RBL2: variants seen among roughly 807,000 people sequenced by gnomAD.
The protein encoded by RBL2 is RB transcriptional corepressor like 2, also known as retinoblastoma-like protein 2.
A neutral mutation model predicts 126.0 loss-of-function variants in RBL2; 56 were observed. The observed-to-expected ratio is 0.44, with a 90% confidence interval of 0.36 to 0.56. The LOEUF is 0.56. Ranked by LOEUF, RBL2 falls within the 20% of genes least tolerant of loss-of-function variation. The pLI, the probability that RBL2 is intolerant of heterozygous loss-of-function variation, is 0.00. For synonymous variants in RBL2, 454 were observed against 478.5 expected (o/e 0.95, Z 0.67); for missense variants, 1,229 against 1,398.2 (o/e 0.88, Z 1.93).
intron 2 of RBL2, among the ~76,000 whole-genome samples, chr16:53,442,374 G>A (rs915854856): frequency 3.9e-5 from 6 of 152,092 alleles, no homozygotes; most frequent in Non-Finnish European, 8.8e-5. Context: ...GTGAACCAAC[G>A]TGAATGTTGG....
chr16:53,444,827 G>A (rs1567727346), intron 3 of RBL2, among the ~76,000 whole-genome samples: 1 of 152,162 alleles, frequency 6.6e-6, no homozygotes, highest in Non-Finnish European at 1.5e-5. Flanking sequence ...CAGCCTAGGT[G>A]ACAGAGTGAG....
intron 3 of RBL2, among the ~76,000 whole-genome samples, chr16:53,444,141 C>T (rs1324774907): frequency 8.7e-5 from 13 of 150,272 alleles, no homozygotes; most frequent in South Asian, 2.1e-4. Flanking sequence ...CCCAGCTACT[C>T]GGGAGGCTGA....
intron 20 of RBL2, 153 bp from the exon 21 acceptor site, chr16:53,481,518 G>A: frequency 1.5e-6 from 1 of 678,408 alleles, no homozygotes; most frequent in Non-Finnish European, 2.3e-6. Flanking sequence ...TTTGCTATTA[G>A]AATATTTTTC....
At chr16:53,474,881 CT>C (rs199607130) in intron 17 of RBL2, among the ~76,000 whole-genome samples, 1 of 150,990 alleles carries the variant, frequency 6.6e-6, no homozygotes, top group Non-Finnish European at 1.5e-5. Context: ...TTTCCTTTGC[CT>C]TTTTTTTTAA....
At chr16:53,481,134 G>T in intron 20 of RBL2, 1 of 183,652 alleles carries the variant, frequency 5.4e-6, no homozygotes, top group Non-Finnish European at 1.1e-5. Context: ...ACTCCAGCTT[G>T]GGTGACAGAA....
chr16:53,451,154 A>C (rs2058111145), intron 4 of RBL2, among the ~76,000 whole-genome samples: 1 of 152,210 alleles, frequency 6.6e-6, no homozygotes, highest in Non-Finnish European at 1.5e-5. Context: ...TAAACACTTA[A>C]TGAATGAATG....
intron 5 of RBL2, 27 bp from the exon 6 acceptor site, chr16:53,453,425 T>G: frequency 6.3e-7 from 1 of 1,590,486 alleles, no homozygotes; most frequent in Middle Eastern, 1.7e-4. Flanking sequence ...TGCTGATATC[T>G]CTGTTTTGTG....
At chr16:53,475,797 A>G (rs1375514681) in intron 17 of RBL2, among the ~76,000 whole-genome samples, 1 of 145,794 alleles carries the variant, frequency 6.9e-6, no homozygotes, top group Admixed American at 6.8e-5. Flanking sequence ...CGTAGATATC[A>G]GTATCTTTTA....
At chr16:53,447,892 G>T (rs991718989) in intron 4 of RBL2, among the ~76,000 whole-genome samples, 1 of 152,082 alleles carries the variant, frequency 6.6e-6, no homozygotes, top group Admixed American at 6.6e-5. Flanking sequence ...TGATCTGCCT[G>T]CCCTGGCCTC....
At chr16:53,434,916 G>A (rs1234104130) in intron 1 of RBL2, 120 bp downstream of exon 1, 3 of 1,350,844 alleles carry the variant, frequency 2.2e-6, no homozygotes, top group Non-Finnish European at 2.9e-6. Context: ...CCCGAGAGGG[G>A]TGGGGACTTC....
At position 53,451,801 on chromosome 16, in the gene RBL2, C is replaced by G. The variant is rs1249672179; in HGVS notation, c.736C>G (p.Arg246Gly). 3 of 1,613,644 alleles carry G rather than the reference C, an allele frequency of 1.9e-6. No individual in the cohort carries two copies. The highest frequency in any genetic ancestry group is 1.7e-6 in the Non-Finnish European group (2 of 1,179,742). ...VYGNALQCSN[R>G]KELVNPNFKG... ...TGGAAATGCACTTCAGTGTTCTAAT[C>G]GTAAAGAACTTGTGAACCCTAATTT... is the stretch of plus-strand genomic sequence containing the variant. Residue 246 changes from arginine (R) to glycine (G), a missense_variant, in exon 5 of 22, where the codon CGT becomes GGT. This residue lies in a region of RBL2 where 1,070 missense variants were observed against 1,274.3 expected (regional missense o/e 0.84). Coordinates refer to ENST00000262133, the MANE Select transcript of RBL2 (RefSeq NM_005611.4).
intron 21 of RBL2, among the ~76,000 whole-genome samples, chr16:53,487,384 C>G (rs1961217618): frequency 6.6e-6 from 1 of 152,126 alleles, no homozygotes; most frequent in Non-Finnish European, 1.5e-5. Flanking sequence ...CTGAAATAGA[C>G]AACACATGTA....
chr16:53,443,264 T>C (rs921270996), intron 3 of RBL2: 1 of 153,168 alleles, frequency 6.5e-6, no homozygotes, highest in African/African-American at 2.4e-5. Flanking sequence ...ATATATTTTT[T>C]ATTGCGCAGG....
intron 1 of RBL2, among the ~76,000 whole-genome samples, chr16:53,438,377 G>A (rs1023868723): frequency 6.6e-5 from 10 of 152,134 alleles, no homozygotes; most frequent in African/African-American, 2.4e-4. Flanking sequence ...AGAACCAAGT[G>A]GAATCTATAC....
Position 53,490,375 on chromosome 16 carries a change from T to G in RBL2, c.*75T>G, listed in dbSNP as rs761553693. ...TTTAATGCATCTAGATTATGGAGCT[T>G]TTTTCCTTAATCCAGCTGATGAGTT... is the stretch of plus-strand genomic sequence containing the variant. On this transcript the variant is annotated 3_prime_UTR_variant, in exon 22 of 22. Transcript: ENST00000262133. 25 of 1,339,216 alleles carry G rather than the reference T, an allele frequency of 1.9e-5. No individual in the cohort carries two copies. The highest frequency in any genetic ancestry group is 2.1e-5 in the Non-Finnish European group (21 of 993,318). 83.0% of individuals were successfully genotyped at this position (1,339,216 alleles called of 1,614,324 possible). A position where few individuals can be genotyped will look rare whatever the true frequency, so the allele number is the denominator to read the frequency against.
At chr16:53,440,168 C>T (rs1314332765) in intron 2 of RBL2, among the ~76,000 whole-genome samples, 3 of 151,578 alleles carry the variant, frequency 2.0e-5, no homozygotes, top group Non-Finnish European at 2.9e-5. Context: ...TGGTGACATG[C>T]GCCTGTAATC....
chr16:53,439,419 A>G (rs1006418600), intron 2 of RBL2, among the ~76,000 whole-genome samples: 2 of 152,298 alleles, frequency 1.3e-5, no homozygotes, highest in Middle Eastern at 3.4e-3. Context: ...ACATTGTGTA[A>G]TATTGGGAGA....
chr16:53,453,823 C>CT (rs2058139847), intron 7 of RBL2, 54 bp downstream of exon 7: 1 of 1,409,582 alleles, frequency 7.1e-7, no homozygotes, highest in African/African-American at 1.5e-5. Context: ...ACTTAGGAAA[C>CT]TTCAGAAGTT....
chr16:53,437,638 A>G (rs2057970959), intron 1 of RBL2, among the ~76,000 whole-genome samples: 1 of 152,218 alleles, frequency 6.6e-6, no homozygotes, highest in Non-Finnish European at 1.5e-5. Context: ...GTATTCATGT[A>G]TGTGTTTTGA....
Sources: gnomAD v4.1 joint callset for allele counts (sites outside exome capture counted in the v4.1 genomes callset) on GRCh38, gnomAD v4.1.1 for gene constraint, gnomAD v4.1.1 regional missense constraint, MANE v1.5 for transcripts, NCBI Gene and HGNC (gene_info 2026-07-23, HGNC 2026-07-21) for gene names.